The following PAQR5 variants were observed in gnomAD, a reference collection of about 807,000 sequenced individuals.
PAQR5 encodes the protein membrane progestin receptor gamma.
Under a neutral mutation model 34.5 loss-of-function variants are expected in PAQR5, and 20 were observed. The ratio of observed to expected loss-of-function variants is 0.58; its 90% CI spans 0.41 to 0.84. The LOEUF is 0.84. PAQR5 is among the 40% of genes least tolerant of loss of function. PAQR5 has a pLI of 0.00. For synonymous variants in PAQR5, 131 were observed against 155.6 expected, an observed-to-expected ratio of 0.84 and a Z score of 1.18; for missense variants, 378 against 412.7, an observed-to-expected ratio of 0.92 and a Z score of 0.73.
At chr15:69,341,914 T>A (rs2054653610) in intron 2 of PAQR5, among the ~76,000 whole-genome samples, 2 of 128,984 alleles carry the variant, frequency 1.6e-5, no homozygotes, top group South Asian at 5.7e-4. Flanking sequence ...GACAACAGAG[T>A]GAGACCCTGT....
chr15:69,402,512 TTCA>T (rs1237984344), intron 8 of PAQR5, among the ~76,000 whole-genome samples: 4 of 151,858 alleles, frequency 2.6e-5, no homozygotes, highest in Non-Finnish European at 5.9e-5. Context: ...GAGACGGGGT[TTCA>T]TCATGTTAGC....
intron 2 of PAQR5, among the ~76,000 whole-genome samples, chr15:69,355,336 CTTT>C (rs2055040079): frequency 6.1e-5 from 1 of 16,510 alleles, no homozygotes; most frequent in African/African-American, 2.1e-4. Context: ...TTCTTTCTTT[CTTT>C]CTTTTTTTCT....
intron 1 of PAQR5, among the ~76,000 whole-genome samples, chr15:69,319,933 C>T (rs2054055039): frequency 6.6e-6 from 1 of 152,242 alleles, no homozygotes; most frequent in Admixed American, 6.5e-5. Context: ...TCCTTCCTTT[C>T]CTTCCTCTGC....
chr15:69,311,362 G>C (rs1353580088), intron 1 of PAQR5, among the ~76,000 whole-genome samples: 1 of 152,174 alleles, frequency 6.6e-6, no homozygotes, highest in Non-Finnish European at 1.5e-5. Flanking sequence ...GCAAGAGAAT[G>C]ATTGGACTGA....
At chr15:69,394,246 G>T (rs1471802735) in intron 6 of PAQR5, among the ~76,000 whole-genome samples, 1 of 152,160 alleles carries the variant, frequency 6.6e-6, no homozygotes, top group African/African-American at 2.4e-5. Flanking sequence ...AGGCAGTTCA[G>T]AGGGGTGGAG....
intron 1 of PAQR5, among the ~76,000 whole-genome samples, chr15:69,327,286 C>T (rs1457445926): frequency 1.3e-5 from 2 of 152,138 alleles, no homozygotes; most frequent in African/African-American, 4.8e-5. Context: ...GCCACTGCGC[C>T]CACCACATGC....
intron 3 of PAQR5, among the ~76,000 whole-genome samples, chr15:69,378,014 G>A (rs1233320480): frequency 6.6e-6 from 1 of 151,966 alleles, no homozygotes; most frequent in Non-Finnish European, 1.5e-5. Flanking sequence ...TGTAATCCCA[G>A]CACTTTGGGA....
chr15:69,319,189 A>T (rs891140267), intron 1 of PAQR5, among the ~76,000 whole-genome samples: 1,670 of 8,768 alleles, frequency 0.19, 90 homozygotes, highest in African/African-American at 0.25. Flanking sequence ...ATATATATAT[A>T]TATATATATA....
At chr15:69,371,341 A>G (rs1425229496) in intron 3 of PAQR5, among the ~76,000 whole-genome samples, 2 of 152,160 alleles carry the variant, frequency 1.3e-5, no homozygotes, top group Non-Finnish European at 2.9e-5. Flanking sequence ...TTTTCATATG[A>G]AGTTCAAACA....
chr15:69,397,074 C>A, intron 6 of PAQR5: 1 of 427,306 alleles, frequency 2.3e-6, no homozygotes. Context: ...GAGTGTGCCC[C>A]CCAAGAGTCT....
chr15:69,390,602 G>A (rs915128851), intron 6 of PAQR5, among the ~76,000 whole-genome samples: 7 of 152,056 alleles, frequency 4.6e-5, no homozygotes, highest in African/African-American at 1.7e-4. Context: ...TCTATAAAAT[G>A]AGGCCATTAC....
At chr15:69,316,751 G>C (rs1369091254) in intron 1 of PAQR5, among the ~76,000 whole-genome samples, 1 of 152,208 alleles carries the variant, frequency 6.6e-6, no homozygotes, top group Admixed American at 6.5e-5. Flanking sequence ...TTGCTCTGGG[G>C]ATTATAAAAG....
Position 69,384,774 on chromosome 15 carries a change from G to A in PAQR5, c.277G>A (p.Val93Met), listed in dbSNP as rs754867281. The change falls in exon 5 of 9, where the codon GTG becomes ATG. Residue 93 changes from valine to methionine, a missense_variant. Physicochemically the swap from Val to Met is conservative, Grantham distance 21. Transcript: ENST00000395407. ...PMLVYMCTSC[V>M]YPLVSSCAHT... ...GCTTGTGTACATGTGCACCAGCTGC[G>A]TGTACCCACTTGTGTCCAGCTGTGC... is the stretch of plus-strand genomic sequence containing the variant. 1.0e-4 allele frequency: 169 copies of A among 1,613,558 alleles called. No homozygotes were observed. Among genetic ancestry groups the A allele is most frequent in the Non-Finnish European group, 1.3e-4 (158 of 1,179,592 alleles).
chr15:69,317,343 A>G (rs1017088932), intron 1 of PAQR5, among the ~76,000 whole-genome samples: 1 of 152,050 alleles, frequency 6.6e-6, no homozygotes, highest in African/African-American at 2.4e-5. Context: ...TAAGCTCCCC[A>G]CTGGCTGTGG....
intron 3 of PAQR5, among the ~76,000 whole-genome samples, chr15:69,368,879 C>A (rs1167960147): frequency 1.3e-5 from 2 of 152,062 alleles, no homozygotes; most frequent in Admixed American, 6.6e-5. Context: ...GATGCTCCTG[C>A]CTCAGCCTCC....
intron 1 of PAQR5, among the ~76,000 whole-genome samples, chr15:69,324,651 A>G (rs1296215002): frequency 6.6e-6 from 1 of 152,146 alleles, no homozygotes; most frequent in African/African-American, 2.4e-5. Flanking sequence ...CAGTCCCACT[A>G]GAGCATTCAT....
At position 69,404,169 on chromosome 15, in the gene PAQR5, A is replaced by G. The variant is rs2056716910; in HGVS notation, c.*347A>G. The G allele has an allele frequency of 5.0e-6, 1 of 200,784 alleles. No homozygotes were observed. The highest frequency in any genetic ancestry group is 9.3e-5 in the South Asian group (1 of 10,726). 12.4% of individuals were successfully genotyped at this position (200,784 alleles called of 1,614,324 possible). On this transcript the variant is annotated 3_prime_UTR_variant, in exon 9 of 9. Transcript: ENST00000395407. The stretch of plus-strand genomic sequence containing the variant: ...TGGAGCTTTGTATTATTCTTTAAAA[A>G]TGAATCTTGCTTCATTTGATGAATT...
intron 4 of PAQR5, chr15:69,380,467 T>C (rs1285571304): frequency 6.4e-6 from 1 of 157,358 alleles, no homozygotes; most frequent in East Asian, 1.9e-4. Context: ...AAAACATTGG[T>C]AGAGGCATCT....
chr15:69,348,506 G>A (rs2054829827), intron 2 of PAQR5, among the ~76,000 whole-genome samples: 1 of 152,180 alleles, frequency 6.6e-6, no homozygotes, highest in African/African-American at 2.4e-5. Context: ...ACAGGCAGGC[G>A]AGGTGACCAG....
Sources: allele counts gnomAD v4.1 joint callset (sites outside exome capture counted in the v4.1 genomes callset), GRCh38; gene constraint gnomAD v4.1.1; transcripts MANE v1.5; gene names NCBI Gene and HGNC (gene_info 2026-07-23, HGNC 2026-07-21).